Variants in SLC12A8 observed in about 807,000 individuals in gnomAD.
The protein encoded by SLC12A8 is solute carrier family 12 member 8.
Under a neutral mutation model 75.6 loss-of-function variants are expected in SLC12A8, and 69 were observed. That is an observed-to-expected ratio of 0.91 (90% CI 0.75 to 1.11). The LOEUF (loss-of-function observed/expected upper bound fraction) is 1.11, where lower values mean the gene tolerates loss of function less well. SLC12A8 is among the 50% of genes most tolerant of loss of function. The probability of loss-of-function intolerance (pLI) is 0.00; values close to 1 mark genes in which losing one functional copy is unlikely to be tolerated. For missense variants in SLC12A8, 877 were observed against 896.7 expected (o/e 0.98, Z 0.28); for synonymous variants, 365 against 372.8 (o/e 0.98, Z 0.24).
intron 7 of SLC12A8, chr3:125,119,917 C>A (rs1465464424): frequency 2.2e-6 from 1 of 456,626 alleles, no homozygotes; most frequent in Non-Finnish European, 4.4e-6. Flanking sequence ...AAACAATATT[C>A]TAAAAGGTCA....
chr3:125,160,481 C>T (rs1473498277), intron 5 of SLC12A8, among the ~76,000 whole-genome samples: 1 of 152,222 alleles, frequency 6.6e-6, no homozygotes, highest in Non-Finnish European at 1.5e-5. Context: ...TAACTATCTG[C>T]AAGTGAAGTT....
intron 6 of SLC12A8, among the ~76,000 whole-genome samples, chr3:125,127,772 T>G (rs550838858): frequency 4.6e-5 from 7 of 152,238 alleles, no homozygotes; most frequent in Non-Finnish European, 1.0e-4. Context: ...TTGTCGATAT[T>G]TATAATTGTT....
At chr3:125,114,353 C>T (rs565922447) in intron 8 of SLC12A8, among the ~76,000 whole-genome samples, 2 of 152,262 alleles carry the variant, frequency 1.3e-5, no homozygotes, top group South Asian at 4.1e-4. Context: ...TCCAAGGTCC[C>T]TCTTGAATAT....
chr3:125,190,184 T>C lies in SLC12A8; in HGVS notation c.198+191A>G, dbSNP rs149443456. ...TATGGTGTGAGGTTTCCATTAGAAA[T>C]TCGGAAGCCTATCTTCACAGGATGC... On this transcript the variant is annotated intron_variant, in intron 3 of 13. Transcript: ENST00000469902. Among the ~76,000 whole-genome samples, 704 of 152,272 alleles carry C rather than the reference T, an allele frequency of 4.6e-3. 1 individual carries two copies. The highest frequency in any genetic ancestry group is 7.8e-3 in the Non-Finnish European group (532 of 68,020).
chr3:125,142,633 T>C (rs1440070698), intron 5 of SLC12A8, among the ~76,000 whole-genome samples: 1 of 152,180 alleles, frequency 6.6e-6, no homozygotes, highest in African/African-American at 2.4e-5. Context: ...AAACAAGCCC[T>C]TTTCCCTCGG....
At chr3:125,165,641 G>GCA (rs1177069653) in intron 5 of SLC12A8, among the ~76,000 whole-genome samples, 1 of 152,196 alleles carries the variant, frequency 6.6e-6, no homozygotes, top group Non-Finnish European at 1.5e-5. Flanking sequence ...CTCCCTCCAG[G>GCA]CACCCATGGA....
At chr3:125,188,667 C>T (rs1463758641) in intron 3 of SLC12A8, among the ~76,000 whole-genome samples, 2 of 152,212 alleles carry the variant, frequency 1.3e-5, no homozygotes. Context: ...ATAGTCAAGA[C>T]TTCATGTGTT....
chr3:125,094,448 G>C (rs556565152), intron 10 of SLC12A8, among the ~76,000 whole-genome samples: 1 of 151,988 alleles, frequency 6.6e-6, no homozygotes, highest in East Asian at 1.9e-4. Flanking sequence ...CACCCAATTA[G>C]CCAATTCACT....
chr3:125,111,385 C>T (rs1939183152), intron 8 of SLC12A8, among the ~76,000 whole-genome samples: 1 of 152,216 alleles, frequency 6.6e-6, no homozygotes, highest in African/African-American at 2.4e-5. Context: ...TGGGTGGCTG[C>T]ATGACTGCTT....
chr3:125,135,695 A>G lies in SLC12A8; in HGVS notation c.710T>C (p.Phe237Ser), dbSNP rs200359164. 866 of 1,609,104 alleles carry G rather than the reference A, an allele frequency of 5.4e-4. 5 individuals are homozygous for G. The highest frequency in any genetic ancestry group is 4.8e-4 in the Non-Finnish European group (567 of 1,176,908). The change falls in exon 6 of 14, where the codon TTT becomes TCT. Residue 237 changes from phenylalanine to serine, a missense_variant. Coordinates refer to ENST00000469902, the MANE Select transcript of SLC12A8 (RefSeq NM_024628.6). The stretch of plus-strand genomic sequence containing the variant: ...TGTAGCCGCTGGGAAGAAAACCCCA[A>G]AGACAGTGAAAAAAGATTCCCCCGG... ...YSPGESFFTV[F>S]GVFFPAATGV...
intron 6 of SLC12A8, among the ~76,000 whole-genome samples, chr3:125,126,343 A>T (rs1260311406): frequency 1.3e-5 from 2 of 152,236 alleles, no homozygotes; most frequent in Non-Finnish European, 2.9e-5. Flanking sequence ...ACTTGGGGTC[A>T]GCGCCTACTT....
intron 10 of SLC12A8, among the ~76,000 whole-genome samples, chr3:125,093,031 C>T (rs1424540900): frequency 6.6e-6 from 1 of 152,122 alleles, no homozygotes; most frequent in Non-Finnish European, 1.5e-5. Flanking sequence ...ACTCCACAAT[C>T]TATGTCAATG....
chr3:125,085,633 A>T (rs1419983264), intron 13 of SLC12A8, among the ~76,000 whole-genome samples: 2 of 152,210 alleles, frequency 1.3e-5, no homozygotes, highest in African/African-American at 2.4e-5. Flanking sequence ...GCTGGAGTGC[A>T]GTGGTTGATC....
Position 125,091,424 on chromosome 3 carries a change from G to C in SLC12A8, c.1921+15C>G. 1 of 1,577,790 alleles carries C rather than the reference G, an allele frequency of 6.3e-7. No homozygotes were observed. Among genetic ancestry groups the C allele is most frequent in the African/African-American group, 1.3e-5 (1 of 74,278 alleles). ...AGAATGAGGGAACCAGTGGCAAAAT[G>C]GCTCTGCTGCTTACCAAGGTGAAGC... On this transcript the variant is annotated intron_variant, in intron 12 of 13. Coordinates refer to ENST00000469902, the MANE Select transcript of SLC12A8 (RefSeq NM_024628.6).
chr3:125,193,970 G>C (rs1033530881), intron 2 of SLC12A8, among the ~76,000 whole-genome samples: 2 of 152,188 alleles, frequency 1.3e-5, no homozygotes, highest in African/African-American at 4.8e-5. Context: ...CTCAATTCCA[G>C]CATAACATGA....
chr3:125,190,323 C>T, intron 3 of SLC12A8, 52 bp downstream of exon 3: 1 of 1,599,932 alleles, frequency 6.3e-7, no homozygotes, highest in South Asian at 1.1e-5. Context: ...AGTGGCAGAG[C>T]TTTCCTGTCT....
rs372100770 is a variant in SLC12A8 at position 125,148,879 on chromosome 3, C to T, written c.623-13097G>A. ...GTGAAGCCAGAAGTGCCTTCAGGGA[C>T]GCTTCTACAGTCACATGGAGAGTAA... On this transcript the variant is annotated intron_variant, in intron 5 of 13. Transcript: ENST00000469902. Among the ~76,000 whole-genome samples the T allele has an allele frequency of 1.7e-4, 26 of 152,356 alleles. 1 individual carries two copies. The highest frequency in any genetic ancestry group is 8.3e-4 in the South Asian group (4 of 4,830).
At chr3:125,116,695 G>T (rs866397704) in intron 8 of SLC12A8, among the ~76,000 whole-genome samples, 7 of 152,210 alleles carry the variant, frequency 4.6e-5, no homozygotes, top group African/African-American at 1.7e-4. Flanking sequence ...CGGCCCAGGG[G>T]ATAATCAGAT....
At chr3:125,139,699 C>G (rs1366082746) in intron 5 of SLC12A8, among the ~76,000 whole-genome samples, 4 of 152,212 alleles carry the variant, frequency 2.6e-5, no homozygotes, top group Non-Finnish European at 5.9e-5. Context: ...CTGGCCGGTA[C>G]TGGCTAGCTA....
Sources: allele counts gnomAD v4.1 joint callset (sites outside exome capture counted in the v4.1 genomes callset), GRCh38; gene constraint gnomAD v4.1.1; transcripts MANE v1.5; gene names NCBI Gene and HGNC (gene_info 2026-07-23, HGNC 2026-07-21).